The following UBASH3B variants were observed in gnomAD, a reference collection of about 807,000 sequenced individuals.
UBASH3B encodes ubiquitin-associated and SH3 domain-containing protein B.
A neutral mutation model predicts 83.4 loss-of-function variants in UBASH3B; 37 were observed. The observed-to-expected ratio is 0.44, with a 90% CI of 0.34 to 0.58. The LOEUF is 0.58. UBASH3B is among the 20% of genes least tolerant of loss of function. The probability of loss-of-function intolerance (pLI) is 0.01; values close to 1 mark genes in which losing one functional copy is unlikely to be tolerated. For synonymous variants in UBASH3B, 304 were observed against 318.3 expected, an observed-to-expected ratio of 0.96 and a Z score of 0.48; for missense variants, 657 against 827.2, an observed-to-expected ratio of 0.79 and a Z score of 2.52.
chr11:122,798,709 C>CAAAAAAA (rs11433996), intron 9 of UBASH3B, among the ~76,000 whole-genome samples: 1 of 118,536 alleles, frequency 8.4e-6, no homozygotes. Flanking sequence ...GACTCCATCT[C>CAAAAAAA]AAAAAAAAAA....
chr11:122,706,849 A>G (rs1472555547), intron 1 of UBASH3B, among the ~76,000 whole-genome samples: 1 of 152,208 alleles, frequency 6.6e-6, no homozygotes, highest in Non-Finnish European at 1.5e-5. Context: ...GGTAAAAGAA[A>G]ATTGTTTGTC....
chr11:122,787,372 A>T (rs1591813926), intron 5 of UBASH3B, among the ~76,000 whole-genome samples: 2 of 152,316 alleles, frequency 1.3e-5, no homozygotes, highest in South Asian at 4.2e-4. Context: ...AGAGCAGGGA[A>T]GACCTAGAAC....
intron 1 of UBASH3B, among the ~76,000 whole-genome samples, chr11:122,770,470 T>A (rs1359934314): frequency 3.3e-5 from 5 of 152,004 alleles, no homozygotes; most frequent in Non-Finnish European, 7.4e-5. Context: ...GTTTTTTTTT[T>A]TTTTGACCAT....
chr11:122,702,609 T>C (rs1270477683), intron 1 of UBASH3B, among the ~76,000 whole-genome samples: 1 of 151,892 alleles, frequency 6.6e-6, no homozygotes, highest in Non-Finnish European at 1.5e-5. Flanking sequence ...ACTGCAACCT[T>C]TGCCTCCCGA....
At chr11:122,658,999 TTGGGGGC>T (rs1288739157) in intron 1 of UBASH3B, among the ~76,000 whole-genome samples, 1 of 152,160 alleles carries the variant, frequency 6.6e-6, no homozygotes, top group Non-Finnish European at 1.5e-5. Context: ...CTACCTTCTG[TTGGGGGC>T]TGGCATTCTT....
chr11:122,703,868 C>T (rs962421448), intron 1 of UBASH3B, among the ~76,000 whole-genome samples: 4 of 152,130 alleles, frequency 2.6e-5, no homozygotes, highest in Admixed American at 1.3e-4. Context: ...TGGCATAAGC[C>T]GGGGATATGA....
At chr11:122,788,982 C>T (rs1861003501) in intron 5 of UBASH3B, 118 bp from the exon 6 acceptor site, 1 of 914,490 alleles carries the variant, frequency 1.1e-6, no homozygotes, top group East Asian at 2.4e-5. Context: ...CCAAGGGCTC[C>T]TGGGCACATC....
rs555132972 is a variant in UBASH3B, at chr11:122,769,702, A to G, written c.162-6517A>G. Among the ~76,000 whole-genome samples, 4 of 152,340 alleles carry G rather than the reference A, an allele frequency of 2.6e-5. No homozygotes were observed. In the South Asian group the frequency reaches 8.3e-4, roughly 32 times the overall value. ...TATGAAAAAGTGTTGTTTTCCAAAT[A>G]TACCCCAAAAGAATACCTCCATCTT... On this transcript the variant is annotated intron_variant, in intron 1 of 13. Coordinates refer to ENST00000284273, the MANE Select transcript of UBASH3B (RefSeq NM_032873.5).
At chr11:122,778,252 C>G (rs969800868) in intron 3 of UBASH3B, among the ~76,000 whole-genome samples, 4 of 152,162 alleles carry the variant, frequency 2.6e-5, no homozygotes, top group Non-Finnish European at 5.9e-5. Flanking sequence ...GTTCCTAACA[C>G]CTTCTCTTTT....
chr11:122,743,329 C>G (rs1435193101), intron 1 of UBASH3B, among the ~76,000 whole-genome samples: 1 of 152,184 alleles, frequency 6.6e-6, no homozygotes, highest in Non-Finnish European at 1.5e-5. Flanking sequence ...GATCCTCCCA[C>G]TCAGCCTCTC....
At chr11:122,659,697 G>C (rs1863410652) in intron 1 of UBASH3B, among the ~76,000 whole-genome samples, 1 of 152,212 alleles carries the variant, frequency 6.6e-6, no homozygotes, top group South Asian at 2.1e-4. Context: ...ATGGTCTCCT[G>C]GGTCTAGAAG....
In UBASH3B at chr11:122,806,461, T is replaced by C. The variant is rs1415652704; in HGVS notation, c.1647T>C (p.Tyr549=). ...KLVVSESYDT[Y]ISRSFQVTKE... Reference sequence around the variant, plus strand: ...TTGTTTCAGAATCCTATGATACTTATATCAGTAGAAGTTTCCAAGTAACAA... The same window carrying C: ...TTGTTTCAGAATCCTATGATACTTACATCAGTAGAAGTTTCCAAGTAACAA... Residue 549 remains tyrosine (Y), a synonymous_variant, in exon 12 of 14, where the codon TAT becomes TAC. Transcript: ENST00000284273. The surrounding 1 kb of genome is among the most constrained non-coding windows in gnomAD (Gnocchi z 4.0). 3 of 1,607,008 alleles carry C rather than the reference T, an allele frequency of 1.9e-6. No individual in the cohort carries two copies. Among genetic ancestry groups the C allele is most frequent in the East Asian group, 2.2e-5 (1 of 44,724 alleles).
At chr11:122,715,144 A>G (rs377734700) in intron 1 of UBASH3B, among the ~76,000 whole-genome samples, 1 of 152,014 alleles carries the variant, frequency 6.6e-6, no homozygotes, top group Admixed American at 6.5e-5. Flanking sequence ...ACGGGGTTTC[A>G]CCGTGTTAGC....
chr11:122,750,050 A>G (rs1232641580), intron 1 of UBASH3B, among the ~76,000 whole-genome samples: 1 of 152,130 alleles, frequency 6.6e-6, no homozygotes, highest in African/African-American at 2.4e-5. Context: ...TCATTCTTAA[A>G]CCACTTTTAT....
intron 1 of UBASH3B, among the ~76,000 whole-genome samples, chr11:122,752,235 C>T (rs571018955): frequency 1.3e-5 from 2 of 152,202 alleles, no homozygotes; most frequent in African/African-American, 4.8e-5. Context: ...CCTTGGTACC[C>T]CTAAGATGCC....
At chr11:122,659,627 C>T (rs897887386) in intron 1 of UBASH3B, among the ~76,000 whole-genome samples, 6 of 152,198 alleles carry the variant, frequency 3.9e-5, no homozygotes, top group Admixed American at 6.5e-5. Context: ...AAGCTTCTCT[C>T]TTGAGCTTTA....
intron 1 of UBASH3B, among the ~76,000 whole-genome samples, chr11:122,752,879 C>G (rs1016168204): frequency 6.6e-6 from 1 of 152,080 alleles, no homozygotes; most frequent in Non-Finnish European, 1.5e-5. Context: ...AAACAACCAA[C>G]CTTTGAGGAT....
At chr11:122,775,160 T>C (rs1565560297) in intron 1 of UBASH3B, among the ~76,000 whole-genome samples, 1 of 152,232 alleles carries the variant, frequency 6.6e-6, no homozygotes, top group Non-Finnish European at 1.5e-5. Flanking sequence ...TGAGATTCAA[T>C]AGATGTTTGC....
chr11:122,779,761 T>C (rs1860818002), intron 4 of UBASH3B, 66 bp downstream of exon 4: 1 of 1,583,636 alleles, frequency 6.3e-7, no homozygotes, highest in Admixed American at 1.7e-5. Context: ...GGAAAAAGGA[T>C]AGGAAATAGT....
Sources: gnomAD v4.1 joint callset for allele counts (sites outside exome capture counted in the v4.1 genomes callset) on GRCh38, gnomAD v4.1.1 for gene constraint, Gnocchi (gnomAD v3.1) non-coding constraint, MANE v1.5 for transcripts, NCBI Gene and HGNC (gene_info 2026-07-23, HGNC 2026-07-21) for gene names.